PRLR: variants seen among roughly 807,000 people sequenced by gnomAD.
PRLR encodes prolactin receptor.
Under a neutral mutation model 40.2 loss-of-function variants are expected in PRLR, and 13 were observed. The ratio of observed to expected loss-of-function variants is 0.32; its 90% CI spans 0.21 to 0.51. The LOEUF is 0.51. Among genes scored for constraint, PRLR ranks in the 20% least tolerant of loss-of-function variants. The pLI, the probability that PRLR is intolerant of heterozygous loss-of-function variation, is 0.97. For synonymous variants in PRLR, 269 were observed against 278.7 expected, an observed-to-expected ratio of 0.97 and a Z score of 0.35; for missense variants, 656 against 747.3, an observed-to-expected ratio of 0.88 and a Z score of 1.42.
At chr5:35,207,026 A>T (rs553837271) in intron 1 of PRLR, among the ~76,000 whole-genome samples, 1 of 152,198 alleles carries the variant, frequency 6.6e-6, no homozygotes, top group South Asian at 2.1e-4. Context: ...TGGGAGAGAG[A>T]ATTTTCATTT....
chr5:35,219,030 G>C (rs952220627), intron 1 of PRLR, among the ~76,000 whole-genome samples: 2 of 152,140 alleles, frequency 1.3e-5, no homozygotes, highest in African/African-American at 2.4e-5. Flanking sequence ...GCGGCGGGGT[G>C]GGGGGTGGTT....
chr5:35,067,661 C>T (rs1769465071), intron 9 of PRLR, among the ~76,000 whole-genome samples: 1 of 152,160 alleles, frequency 6.6e-6, no homozygotes, highest in Admixed American at 6.5e-5. Context: ...ACTGTTCTAA[C>T]CTCTCTTTTC....
Position 35,081,170 on chromosome 5 carries a change from C to A in PRLR, c.373+3300G>T, listed in dbSNP as rs144153925. The A allele has an allele frequency of 4.3e-3, 666 of 153,546 alleles. 4 individuals are homozygous for A. The highest frequency in any genetic ancestry group is 4.2e-3 in the Non-Finnish European group (289 of 69,028). The allele number at this position is 153,546 out of a possible 1,614,324, so 9.5% of individuals were successfully genotyped here. A position where few individuals can be genotyped will look rare whatever the true frequency, so the allele number is the denominator to read the frequency against. Reference sequence around the variant, plus strand: ...CAAACCTGCACGTTGTGCACATGTACCCTAGAACTTAAAGTATAATAATAA... The same window carrying A: ...CAAACCTGCACGTTGTGCACATGTAACCTAGAACTTAAAGTATAATAATAA... On this transcript the variant is annotated intron_variant, in intron 5 of 9. Coordinates refer to ENST00000618457, the MANE Select transcript of PRLR (RefSeq NM_000949.7).
intron 9 of PRLR, among the ~76,000 whole-genome samples, chr5:35,066,761 C>CTTTT (rs70973025): frequency 1.1e-4 from 13 of 116,596 alleles, no homozygotes; most frequent in Middle Eastern, 5.4e-3. Flanking sequence ...ACTCTTGCCT[C>CTTTT]TTTTTTTTTT....
chr5:35,086,093 T>C, intron 4 of PRLR, 115 bp downstream of exon 4: 6 of 1,300,342 alleles, frequency 4.6e-6, no homozygotes, highest in South Asian at 1.4e-5. Context: ...CCCGGTGGTA[T>C]GAACCTTACT....
chr5:35,138,022 AC>A (rs1773910904), intron 1 of PRLR, among the ~76,000 whole-genome samples: 1 of 152,222 alleles, frequency 6.6e-6, no homozygotes, highest in Non-Finnish European at 1.5e-5. Flanking sequence ...TCTTATACAC[AC>A]ATACTTAAAG....
chr5:35,223,064 A>C (rs1289559470), intron 1 of PRLR, among the ~76,000 whole-genome samples: 1 of 152,238 alleles, frequency 6.6e-6, no homozygotes, highest in Non-Finnish European at 1.5e-5. Context: ...GCTGGTTACA[A>C]AGGCTTTCAG....
At chr5:35,209,738 C>G (rs372572941) in intron 1 of PRLR, among the ~76,000 whole-genome samples, 1 of 152,166 alleles carries the variant, frequency 6.6e-6, no homozygotes, top group Admixed American at 6.5e-5. Flanking sequence ...AGAAGGAAAA[C>G]GTATTCACTG....
At chr5:35,213,743 T>C (rs1293208683) in intron 1 of PRLR, among the ~76,000 whole-genome samples, 2 of 152,216 alleles carry the variant, frequency 1.3e-5, no homozygotes. Flanking sequence ...TCCATGTGGC[T>C]AGAAGAAGCC....
chr5:35,120,635 TGTCA>T (rs762941442), intron 1 of PRLR, among the ~76,000 whole-genome samples: 4 of 152,192 alleles, frequency 2.6e-5, no homozygotes, highest in African/African-American at 4.8e-5. Flanking sequence ...GAGTATTGTG[TGTCA>T]GTCAAAGACC....
At chr5:35,128,075 A>G (rs951823422) in intron 1 of PRLR, among the ~76,000 whole-genome samples, 1 of 152,020 alleles carries the variant, frequency 6.6e-6, no homozygotes, top group African/African-American at 2.4e-5. Flanking sequence ...TGAAAATATC[A>G]TAAGTTGAAA....
chr5:35,074,484 C>G (rs1342200673), intron 5 of PRLR, among the ~76,000 whole-genome samples: 1 of 136,698 alleles, frequency 7.3e-6, no homozygotes, highest in Non-Finnish European at 1.5e-5. Context: ...TGTGGAACAG[C>G]TACATATTTT....
chr5:35,070,668 A>G (rs2112394838), intron 6 of PRLR, among the ~76,000 whole-genome samples: 1 of 151,766 alleles, frequency 6.6e-6, no homozygotes, highest in South Asian at 2.1e-4. Flanking sequence ...ACATGGAGAA[A>G]CCCTGTCTCT....
intron 1 of PRLR, among the ~76,000 whole-genome samples, chr5:35,192,989 C>T (rs947697366): frequency 1.3e-5 from 2 of 152,166 alleles, no homozygotes; most frequent in East Asian, 3.9e-4. Context: ...ACATGGAACT[C>T]GCTGGGCCAC....
At chr5:35,146,911 T>C (rs78216600) in intron 1 of PRLR, among the ~76,000 whole-genome samples, 2,024 of 152,188 alleles carry the variant, frequency 0.013, 59 homozygotes, top group African/African-American at 0.047. Flanking sequence ...AGTGGAGTTA[T>C]CTAATTGGGT....
chr5:35,156,315 T>G (rs1774504730), intron 1 of PRLR, among the ~76,000 whole-genome samples: 1 of 152,154 alleles, frequency 6.6e-6, no homozygotes. Flanking sequence ...GATATTTGCC[T>G]GGATAAATGT....
At chr5:35,179,863 C>T (rs1053734594) in intron 1 of PRLR, among the ~76,000 whole-genome samples, 4 of 152,010 alleles carry the variant, frequency 2.6e-5, no homozygotes, top group Admixed American at 6.6e-5. Context: ...TGGACTGGGA[C>T]GGGGCAGAGA....
intron 1 of PRLR, among the ~76,000 whole-genome samples, chr5:35,159,648 T>A (rs1290880550): frequency 6.6e-6 from 1 of 152,174 alleles, no homozygotes; most frequent in Non-Finnish European, 1.5e-5. Flanking sequence ...AGGCAGCTGT[T>A]TTTATAGAAA....
chr5:35,183,481 A>C (rs1344603675), intron 1 of PRLR, among the ~76,000 whole-genome samples: 1 of 152,164 alleles, frequency 6.6e-6, no homozygotes, highest in East Asian at 1.9e-4. Context: ...TCCTGGCCTT[A>C]AGTCTCAGGT....
Sources: allele counts gnomAD v4.1 joint callset (sites outside exome capture counted in the v4.1 genomes callset), GRCh38; gene constraint gnomAD v4.1.1; transcripts MANE v1.5; gene names NCBI Gene and HGNC (gene_info 2026-07-23, HGNC 2026-07-21).